The following ANAPC10 variants were observed in gnomAD, a reference collection of about 807,000 sequenced individuals.
ANAPC10 encodes the protein anaphase promoting complex subunit 10, also known as anaphase-promoting complex subunit 10.
ANAPC10 carries 12 observed loss-of-function variants against 22.0 expected under a neutral mutation model. The observed-to-expected ratio is 0.55, with a 90% CI of 0.35 to 0.88. The LOEUF (loss-of-function observed/expected upper bound fraction) is 0.88, where lower values mean the gene tolerates loss of function less well. Among genes scored for constraint, ANAPC10 ranks in the 40% least tolerant of loss-of-function variants. ANAPC10 has a pLI of 0.01. For synonymous variants in ANAPC10, 65 were observed against 69.5 expected (o/e 0.94, Z 0.32); for missense variants, 188 against 220.9 (o/e 0.85, Z 0.94).
intron 4 of ANAPC10, among the ~76,000 whole-genome samples, chr4:145,054,089 AG>A (rs1320525242): frequency 6.6e-6 from 1 of 151,550 alleles, no homozygotes; most frequent in Non-Finnish European, 1.5e-5. Flanking sequence ...TTCTAATTTT[AG>A]TAGAGATGGG....
chr4:145,017,405 C>G (rs1228307795), intron 4 of ANAPC10, among the ~76,000 whole-genome samples: 2 of 152,186 alleles, frequency 1.3e-5, no homozygotes, highest in African/African-American at 4.8e-5. Context: ...AAATGCAAAT[C>G]AAAACCACAA....
intron 4 of ANAPC10, among the ~76,000 whole-genome samples, chr4:145,017,806 A>C (rs1397519134): frequency 6.6e-6 from 1 of 152,126 alleles, no homozygotes; most frequent in African/African-American, 2.4e-5. Flanking sequence ...GGATGAGTTC[A>C]TGTCCTTTGT....
At chr4:145,083,178 A>C (rs1746337052) in intron 2 of ANAPC10, among the ~76,000 whole-genome samples, 1 of 152,188 alleles carries the variant, frequency 6.6e-6, no homozygotes, top group Non-Finnish European at 1.5e-5. Context: ...ACAAACACTG[A>C]TATCACATTA....
chr4:145,015,717 C>T (rs1057122273), intron 4 of ANAPC10, among the ~76,000 whole-genome samples: 2 of 152,052 alleles, frequency 1.3e-5, no homozygotes, highest in Non-Finnish European at 2.9e-5. Context: ...TAAAGGTAAA[C>T]CTATTAGATT....
In ANAPC10 at chr4:145,081,768, G is replaced by A. The variant is rs1746056015; in HGVS notation, c.116-18C>T. The A allele has an allele frequency of 6.4e-7, 1 of 1,556,468 alleles. No individual in the cohort carries two copies. Among genetic ancestry groups the A allele is most frequent in the Non-Finnish European group, 8.8e-7 (1 of 1,131,122 alleles). The stretch of plus-strand genomic sequence containing the variant: ...TCCAAATCCTAAAAACACCAAAAGT[G>A]TCAATAAATCCCTGTGAAAAAGAAA... On this transcript the variant is annotated intron_variant, in intron 2 of 4. Coordinates refer to ENST00000507656, the MANE Select transcript of ANAPC10 (RefSeq NM_001256706.2).
chr4:145,011,391 T>TAAAATAAAATAAAATAAAATAAAA (rs1560819925), intron 4 of ANAPC10, among the ~76,000 whole-genome samples: 34 of 151,098 alleles, frequency 2.3e-4, no homozygotes, highest in South Asian at 4.2e-4. Flanking sequence ...TAAAATAAAA[T>TAAAATAAAATAAAATAAAATAAAA]TCAAGAGGAT....
chr4:145,023,397 ATCTT>A (rs1164603190), intron 4 of ANAPC10, among the ~76,000 whole-genome samples: 1 of 152,156 alleles, frequency 6.6e-6, no homozygotes, highest in East Asian at 1.9e-4. Context: ...CCTCAGCTTT[ATCTT>A]GAACAGTCCT....
intron 4 of ANAPC10, among the ~76,000 whole-genome samples, chr4:144,998,486 T>C (rs941073715): frequency 6.6e-6 from 1 of 152,114 alleles, no homozygotes; most frequent in African/African-American, 2.4e-5. Context: ...CTCAACTACA[T>C]GGAAACTGAA....
Position 144,995,302 on chromosome 4 carries a change from G to A in ANAPC10, c.*71C>T. On this transcript the variant is annotated 3_prime_UTR_variant, in exon 5 of 5. Coordinates refer to ENST00000507656, the MANE Select transcript of ANAPC10 (RefSeq NM_001256706.2). Reference sequence around the variant, plus strand: ...TATAACGGATGCCTTGTTCAATAAAGGTACATGATATATTATTTAAATACA... The same window carrying A: ...TATAACGGATGCCTTGTTCAATAAAAGTACATGATATATTATTTAAATACA... The A allele has an allele frequency of 2.2e-6, 2 of 920,584 alleles. No individual in the cohort carries two copies. The highest frequency in any genetic ancestry group is 1.9e-5 in the South Asian group (1 of 51,470). The allele number at this position is 920,584 out of a possible 1,614,324, so 57.0% of individuals were successfully genotyped here.
At chr4:145,064,274 C>A in intron 4 of ANAPC10, 1 of 187,458 alleles carries the variant, frequency 5.3e-6, no homozygotes, top group Non-Finnish European at 1.1e-5. Flanking sequence ...TGTAATAAAG[C>A]AAATATAGCA....
At position 145,081,659 on chromosome 4, in the gene ANAPC10, C is replaced by T; in HGVS notation, c.206+1G>A. 1 of 1,601,134 alleles carries T rather than the reference C, an allele frequency of 6.2e-7. No individual in the cohort carries two copies. Among genetic ancestry groups the T allele is most frequent in the Non-Finnish European group, 8.5e-7 (1 of 1,171,682 alleles). On this transcript the variant is annotated splice_donor_variant, in intron 3 of 4. Transcript: ENST00000507656. LOFTEE classifies it high-confidence loss of function. ...GAAAAATTTGAAAATGTATTAATTA[C>T]CTGAATTGGATGTTCACTAAATGAG...
rs35260688 is a variant in ANAPC10, at chr4:145,040,129, A to ATG, written c.327+24441_327+24442dup. On this transcript the variant is annotated intron_variant, in intron 4 of 4. Transcript: ENST00000507656. ...TATGCTTTTGTTTTAGTGTGTGTGT[A>ATG]TGTGTGTGTGTGTGTGTGTGTGTGT... Among the ~76,000 whole-genome samples the ATG allele has an allele frequency of 9.3e-3, 1,384 of 148,880 alleles. 12 individuals carry two copies. The highest frequency in any genetic ancestry group is 0.032 in the African/African-American group (1,290 of 40,274).
chr4:145,084,771 T>C (rs1001505928), intron 2 of ANAPC10, among the ~76,000 whole-genome samples: 2 of 152,138 alleles, frequency 1.3e-5, no homozygotes, highest in Non-Finnish European at 2.9e-5. Context: ...CAAGTCCAAA[T>C]TGAGATGTGC....
Position 145,064,657 on chromosome 4 carries a change from G to A in ANAPC10, c.242C>T (p.Ala81Val), listed in dbSNP as rs866908810. ...KTTVKTLCIY[A>V]DYKSDESYTP... ...ATAGCTTTCATCAGATTTGTAGTCTGCATAAATACATAATGTCTTCACTGT... is the reference window on the plus strand; with the variant it reads ...ATAGCTTTCATCAGATTTGTAGTCTACATAAATACATAATGTCTTCACTGT... The change falls in exon 4 of 5, where the codon GCA becomes GTA. Residue 81 changes from alanine to valine, a missense_variant. Coordinates refer to ENST00000507656, the MANE Select transcript of ANAPC10 (RefSeq NM_001256706.2). The A allele has an allele frequency of 6.3e-7, 1 of 1,585,734 alleles. No individual in the cohort carries two copies. Among genetic ancestry groups the A allele is most frequent in the Non-Finnish European group, 8.6e-7 (1 of 1,163,440 alleles).
intron 3 of ANAPC10, among the ~76,000 whole-genome samples, chr4:145,074,716 T>C (rs961341043): frequency 2.0e-5 from 3 of 152,200 alleles, no homozygotes; most frequent in Non-Finnish European, 4.4e-5. Context: ...CCACCATCTA[T>C]ACAAATAAAT....
chr4:145,060,137 T>C (rs1352381678), intron 4 of ANAPC10, among the ~76,000 whole-genome samples: 2 of 152,108 alleles, frequency 1.3e-5, no homozygotes, highest in Non-Finnish European at 2.9e-5. Context: ...TTATAAAGTG[T>C]TCTTAAATTG....
At chr4:145,000,349 C>T (rs527495676) in intron 4 of ANAPC10, among the ~76,000 whole-genome samples, 3 of 151,842 alleles carry the variant, frequency 2.0e-5, no homozygotes, top group Non-Finnish European at 4.4e-5. Context: ...AGAACTTAAA[C>T]AAATTTACAA....
At chr4:145,039,301 T>C (rs139818759) in intron 4 of ANAPC10, among the ~76,000 whole-genome samples, 44 of 152,344 alleles carry the variant, frequency 2.9e-4, no homozygotes, top group African/African-American at 9.9e-4. Flanking sequence ...CCTATGTAGG[T>C]AATGAATAAG....
In ANAPC10 at chr4:145,076,099, C is replaced by A. The variant is rs972373154; in HGVS notation, c.206+5561G>T. Among the ~76,000 whole-genome samples the A allele has an allele frequency of 8.5e-5, 13 of 152,108 alleles. No homozygotes were observed. In the East Asian group the frequency reaches 2.5e-3, roughly 29 times the overall value. On this transcript the variant is annotated intron_variant, in intron 3 of 4. Transcript: ENST00000507656. The stretch of plus-strand genomic sequence containing the variant: ...TGCCATAGCTTTTTCACCAACAGAC[C>A]CCACCTAACCAACAGAAAGCTTTAG...
Sources: allele counts gnomAD v4.1 joint callset (sites outside exome capture counted in the v4.1 genomes callset), GRCh38; gene constraint gnomAD v4.1.1; transcripts MANE v1.5; gene names NCBI Gene and HGNC (gene_info 2026-07-23, HGNC 2026-07-21).